Variants in BABAM2 observed in about 807,000 individuals in gnomAD.
BABAM2 encodes BRISC and BRCA1 A complex member 2.
A neutral mutation model predicts 54.7 loss-of-function variants in BABAM2; 31 were observed. The observed-to-expected ratio is 0.57, with a 90% CI of 0.43 to 0.77. The LOEUF is 0.77. Ranked by LOEUF, BABAM2 falls within the 30% of genes least tolerant of loss-of-function variation. BABAM2 has a pLI of 0.00. For synonymous variants in BABAM2, 167 were observed against 162.9 expected (o/e 1.03, Z -0.19); for missense variants, 364 against 455.8 (o/e 0.80, Z 1.83).
chr2:28,266,570 T>A (rs1196466634), intron 10 of BABAM2, among the ~76,000 whole-genome samples: 3 of 152,236 alleles, frequency 2.0e-5, no homozygotes, highest in African/African-American at 7.2e-5. Flanking sequence ...ACTTTCCCAT[T>A]TATCATCTTA....
chr2:28,206,466 G>A lies in BABAM2; in HGVS notation c.681-30736G>A, dbSNP rs527691878. On this transcript the variant is annotated intron_variant, in intron 7 of 11. Coordinates refer to ENST00000379624, the MANE Select transcript of BABAM2 (RefSeq NM_199191.3). ...GATCAGGAATGGAGAATTAAATATC[G>A]ACTACAATTGTCCATACCTTTTCTG... Among the ~76,000 whole-genome samples the A allele has an allele frequency of 3.6e-4, 55 of 152,116 alleles. 1 individual carries two copies. The highest frequency in any genetic ancestry group is 3.0e-3 in the Admixed American group (46 of 15,286).
At chr2:28,253,451 T>C (rs1488601934) in intron 10 of BABAM2, among the ~76,000 whole-genome samples, 1 of 152,016 alleles carries the variant, frequency 6.6e-6, no homozygotes, top group Non-Finnish European at 1.5e-5. Context: ...GACACTGTTC[T>C]CAGTACTTTG....
At chr2:28,286,020 A>G (rs1467499527) in intron 10 of BABAM2, among the ~76,000 whole-genome samples, 2 of 151,076 alleles carry the variant, frequency 1.3e-5, no homozygotes, top group African/African-American at 4.9e-5. Flanking sequence ...CAGTGGTACA[A>G]TCTCGGCTCA....
chr2:28,067,286 G>C (rs1299698111), intron 6 of BABAM2, among the ~76,000 whole-genome samples: 1 of 152,190 alleles, frequency 6.6e-6, no homozygotes, highest in Non-Finnish European at 1.5e-5. Flanking sequence ...CAGAGAGATA[G>C]AAAGATAGTT....
At chr2:28,131,063 T>TGAAAATACTGACCC (rs141387201) in intron 7 of BABAM2, among the ~76,000 whole-genome samples, 2 of 5,792 alleles carry the variant, frequency 3.5e-4, no homozygotes, top group African/African-American at 5.0e-4. Context: ...TTATTATTAT[T>TGAAAATACTGACCC]ATTATTATTA....
chr2:28,334,263 G>A (rs797016969), intron 11 of BABAM2, among the ~76,000 whole-genome samples: 28 of 152,386 alleles, frequency 1.8e-4, no homozygotes, highest in African/African-American at 5.8e-4. Flanking sequence ...CCTTCCCCTA[G>A]AAGTTTACAA....
At chr2:28,228,177 T>A (rs995531652) in intron 7 of BABAM2, among the ~76,000 whole-genome samples, 15 of 152,194 alleles carry the variant, frequency 9.9e-5, no homozygotes. Flanking sequence ...AGGTCAAGCT[T>A]TAGCTACCTA....
At chr2:28,085,969 T>C (rs1360700037) in intron 6 of BABAM2, among the ~76,000 whole-genome samples, 2 of 152,178 alleles carry the variant, frequency 1.3e-5, no homozygotes, top group African/African-American at 4.8e-5. Context: ...TTGAATTATA[T>C]TCTTGTCTTA....
intron 6 of BABAM2, among the ~76,000 whole-genome samples, chr2:28,053,776 C>T (rs1395324): frequency 4.0e-5 from 6 of 151,886 alleles, no homozygotes; most frequent in African/African-American, 1.5e-4. Flanking sequence ...AAATTTTAGA[C>T]TTGTGTGCCA....
At chr2:27,983,820 CT>C (rs1375603150) in intron 3 of BABAM2, among the ~76,000 whole-genome samples, 1 of 151,372 alleles carries the variant, frequency 6.6e-6, no homozygotes, top group Non-Finnish European at 1.5e-5. Flanking sequence ...TGCAACCTTG[CT>C]GAAGCTGTTT....
intron 6 of BABAM2, among the ~76,000 whole-genome samples, chr2:28,117,405 A>G (rs1668699791): frequency 6.6e-6 from 1 of 152,218 alleles, no homozygotes; most frequent in Admixed American, 6.5e-5. Flanking sequence ...TAAGTGAAGG[A>G]AAACCACTTC....
At position 28,204,578 on chromosome 2, in the gene BABAM2, G is replaced by T. The variant is rs535808009; in HGVS notation, c.681-32624G>T. Reference sequence around the variant, plus strand: ...GGTCATTTCAAATGCCCAGATAAGTGCAGAGAAATCAGTCATTAAATTCTA... The same window carrying T: ...GGTCATTTCAAATGCCCAGATAAGTTCAGAGAAATCAGTCATTAAATTCTA... On this transcript the variant is annotated intron_variant, in intron 7 of 11. Coordinates refer to ENST00000379624, the MANE Select transcript of BABAM2 (RefSeq NM_199191.3). Among the ~76,000 whole-genome samples the T allele has an allele frequency of 1.3e-4, 19 of 151,802 alleles. No homozygotes were observed. In the South Asian group the frequency reaches 4.0e-3, roughly 32 times the overall value.
chr2:28,236,144 C>T (rs1256152607), intron 7 of BABAM2, among the ~76,000 whole-genome samples: 2 of 151,884 alleles, frequency 1.3e-5, no homozygotes, highest in Non-Finnish European at 2.9e-5. Flanking sequence ...CATCATATTA[C>T]AGAGAGGGTT....
chr2:28,038,409 T>C (rs573729508), intron 5 of BABAM2, among the ~76,000 whole-genome samples: 5 of 152,330 alleles, frequency 3.3e-5, no homozygotes, highest in Admixed American at 1.3e-4. Context: ...ATTCAGGGGG[T>C]ACACGTACAG....
At chr2:27,991,899 G>C (rs1347793520) in intron 4 of BABAM2, among the ~76,000 whole-genome samples, 4 of 152,122 alleles carry the variant, frequency 2.6e-5, no homozygotes, top group Non-Finnish European at 5.9e-5. Flanking sequence ...GGGTCAAATG[G>C]TAACTCTATG....
intron 6 of BABAM2, among the ~76,000 whole-genome samples, chr2:28,113,679 C>A (rs1668343265): frequency 6.6e-6 from 1 of 152,076 alleles, no homozygotes; most frequent in Admixed American, 6.6e-5. Flanking sequence ...TTTTCTAATT[C>A]TGTGAAGAAA....
At chr2:28,070,551 C>CTTTTTTTTTTTTTTTTTTTTTTTTTTT (rs779324534) in intron 6 of BABAM2, among the ~76,000 whole-genome samples, 1 of 85,738 alleles carries the variant, frequency 1.2e-5, no homozygotes, top group African/African-American at 3.2e-5. Flanking sequence ...AAGTACTTTT[C>CTTTTTTTTTTTTTTTTTTTTTTTTTTT]TTTTCTTTTT....
At chr2:28,065,323 T>G (rs1345388186) in intron 6 of BABAM2, among the ~76,000 whole-genome samples, 1 of 152,238 alleles carries the variant, frequency 6.6e-6, no homozygotes, top group East Asian at 1.9e-4. Flanking sequence ...TTCCTATTCC[T>G]GATCCGGTCA....
At chr2:28,187,427 G>A (rs1345853092) in intron 7 of BABAM2, among the ~76,000 whole-genome samples, 1 of 152,146 alleles carries the variant, frequency 6.6e-6, no homozygotes, top group Non-Finnish European at 1.5e-5. Context: ...TGCAGGAGAA[G>A]TTGTATAGCT....
Sources: gnomAD v4.1 joint callset for allele counts (sites outside exome capture counted in the v4.1 genomes callset) on GRCh38, gnomAD v4.1.1 for gene constraint, MANE v1.5 for transcripts, NCBI Gene and HGNC (gene_info 2026-07-23, HGNC 2026-07-21) for gene names.